CACNA2D1: variants seen among roughly 807,000 people sequenced by gnomAD.
The protein encoded by CACNA2D1 is calcium voltage-gated channel auxiliary subunit alpha2delta 1, also known as voltage-dependent calcium channel subunit alpha-2/delta-1.
Under a neutral mutation model 171.5 loss-of-function variants are expected in CACNA2D1, and 53 were observed. That is an observed-to-expected ratio of 0.31 (90% confidence interval 0.25 to 0.39). The LOEUF is 0.39. Among genes scored for constraint, CACNA2D1 ranks in the 10% least tolerant of loss-of-function variants. CACNA2D1 has a pLI of 1.00. For synonymous variants in CACNA2D1, 442 were observed against 443.1 expected, an observed-to-expected ratio of 1.00 and a Z score of 0.03; for missense variants, 903 against 1,299.8, an observed-to-expected ratio of 0.69 and a Z score of 4.69.
At chr7:81,959,881 T>C in intron 36 of CACNA2D1, 52 bp from the exon 37 acceptor site, 1 of 1,576,848 alleles carries the variant, frequency 6.3e-7, no homozygotes, top group Non-Finnish European at 8.6e-7. Flanking sequence ...CCAAAATAAA[T>C]GGAAATCTTT....
At chr7:82,219,152 T>C (rs1026946802) in intron 3 of CACNA2D1, among the ~76,000 whole-genome samples, 1 of 152,144 alleles carries the variant, frequency 6.6e-6, no homozygotes, top group Non-Finnish European at 1.5e-5. Context: ...TTGTCTAAAA[T>C]GCATTAAAAG....
intron 1 of CACNA2D1, among the ~76,000 whole-genome samples, chr7:82,355,693 A>G (rs1345723911): frequency 1.3e-5 from 2 of 151,850 alleles, no homozygotes; most frequent in Admixed American, 1.3e-4. Flanking sequence ...CTTCTTTTAT[A>G]TTATTATCAT....
intron 12 of CACNA2D1, chr7:82,027,759 A>C (rs1236971683): frequency 2.0e-5 from 3 of 151,718 alleles, no homozygotes; most frequent in Non-Finnish European, 4.4e-5. Context: ...AATTCTTAGA[A>C]TAGTTTAATC....
chr7:82,193,781 A>G (rs971506560), intron 3 of CACNA2D1, among the ~76,000 whole-genome samples: 2 of 152,000 alleles, frequency 1.3e-5, no homozygotes, highest in African/African-American at 4.8e-5. Flanking sequence ...TACATACTTG[A>G]TATGTTTTGT....
At chr7:82,179,549 GC>G (rs1225698098) in intron 3 of CACNA2D1, among the ~76,000 whole-genome samples, 1 of 152,008 alleles carries the variant, frequency 6.6e-6, no homozygotes, top group African/African-American at 2.4e-5. Context: ...CAACCAAATT[GC>G]CTACAAATAA....
At position 82,391,468 on chromosome 7, in the gene CACNA2D1, A is replaced by G. The variant is rs1226782994; in HGVS notation, c.96-41819T>C. Reference sequence around the variant, plus strand: ...ACCAGATTAAGCTGCTTAAATTCAGATCAGTGAATTTTAATTATTCATGTT... The same window carrying G: ...ACCAGATTAAGCTGCTTAAATTCAGGTCAGTGAATTTTAATTATTCATGTT... On this transcript the variant is annotated intron_variant, in intron 1 of 38. Transcript: ENST00000356860. Among the ~76,000 whole-genome samples, 2 of 152,334 alleles carry G rather than the reference A, an allele frequency of 1.3e-5. 1 individual carries two copies.
intron 3 of CACNA2D1, among the ~76,000 whole-genome samples, chr7:82,184,497 CTCT>C (rs1797468093): frequency 1.3e-5 from 2 of 151,744 alleles, no homozygotes; most frequent in South Asian, 4.1e-4. Context: ...ATTATTATTT[CTCT>C]TCTTCTTAAG....
intron 12 of CACNA2D1, among the ~76,000 whole-genome samples, chr7:82,026,044 T>A (rs1801857602): frequency 6.6e-6 from 1 of 150,864 alleles, no homozygotes; most frequent in African/African-American, 2.4e-5. Flanking sequence ...TTGTCTCGTG[T>A]CAGTTTTTTT....
intron 1 of CACNA2D1, among the ~76,000 whole-genome samples, chr7:82,373,387 A>G (rs182514503): frequency 4.6e-5 from 7 of 152,272 alleles, no homozygotes; most frequent in Admixed American, 4.6e-4. Flanking sequence ...AACACTCCAC[A>G]CACTTATAGA....
At chr7:82,374,872 G>A (rs1049875948) in intron 1 of CACNA2D1, among the ~76,000 whole-genome samples, 11 of 151,644 alleles carry the variant, frequency 7.3e-5, no homozygotes, top group South Asian at 2.1e-4. Flanking sequence ...TGCTGACTAC[G>A]TGGCTCAGTT....
At chr7:82,290,120 T>C (rs1346992975) in intron 3 of CACNA2D1, among the ~76,000 whole-genome samples, 1 of 152,128 alleles carries the variant, frequency 6.6e-6, no homozygotes, top group Non-Finnish European at 1.5e-5. Context: ...GCCATTACTT[T>C]TAATAGCAAA....
chr7:82,369,686 A>T (rs548211282), intron 1 of CACNA2D1, among the ~76,000 whole-genome samples: 10 of 152,194 alleles, frequency 6.6e-5, no homozygotes, highest in African/African-American at 2.4e-4. Flanking sequence ...AAAATAGTAT[A>T]TCATGACCAA....
At chr7:82,199,375 T>C (rs563538684) in intron 3 of CACNA2D1, among the ~76,000 whole-genome samples, 1 of 152,124 alleles carries the variant, frequency 6.6e-6, no homozygotes, top group Non-Finnish European at 1.5e-5. Context: ...TTAACTATTA[T>C]AGTAATTCAA....
At chr7:82,407,642 A>G (rs1412250377) in intron 1 of CACNA2D1, among the ~76,000 whole-genome samples, 1 of 151,728 alleles carries the variant, frequency 6.6e-6, no homozygotes, top group Non-Finnish European at 1.5e-5. Context: ...TATTATTTTT[A>G]GACAATTTAG....
intron 1 of CACNA2D1, among the ~76,000 whole-genome samples, chr7:82,365,767 T>C (rs1340653782): frequency 6.6e-6 from 1 of 152,230 alleles, no homozygotes; most frequent in East Asian, 1.9e-4. Flanking sequence ...TATTAGGTAG[T>C]CATCTTTCAC....
chr7:82,314,218 T>C (rs1814815172), intron 3 of CACNA2D1, among the ~76,000 whole-genome samples: 1 of 152,224 alleles, frequency 6.6e-6, no homozygotes, highest in Non-Finnish European at 1.5e-5. Flanking sequence ...GTATTTGCTA[T>C]ACTGGCCATC....
intron 3 of CACNA2D1, among the ~76,000 whole-genome samples, chr7:82,275,162 A>G (rs1457252588): frequency 2.6e-5 from 4 of 152,050 alleles, no homozygotes; most frequent in African/African-American, 9.7e-5. Context: ...AAATCACAGC[A>G]TAAATTTATC....
intron 7 of CACNA2D1, among the ~76,000 whole-genome samples, chr7:82,073,741 CA>C (rs566482627): frequency 1.9e-4 from 29 of 152,098 alleles, no homozygotes; most frequent in Non-Finnish European, 4.0e-4. Flanking sequence ...GCTGGGATTA[CA>C]GGTGCCCACA....
In CACNA2D1 at chr7:82,149,198, C is replaced by T. The variant is rs1793505364; in HGVS notation, c.355-12522G>A. On this transcript the variant is annotated intron_variant, in intron 4 of 38. Coordinates refer to ENST00000356860, the MANE Select transcript of CACNA2D1 (RefSeq NM_000722.4). The stretch of plus-strand genomic sequence containing the variant: ...CCCATCACAGCTTAGATGTCATTAA[C>T]TACTAAACAAGCCAGCCTCCCTCAT... 1.3e-5 allele frequency among the ~76,000 whole-genome samples: 2 copies of T among 152,124 alleles called. 1 individual carries two copies. Among genetic ancestry groups the T allele is most frequent in the South Asian group, 4.1e-4 (2 of 4,822 alleles).
Sources: allele counts gnomAD v4.1 joint callset (sites outside exome capture counted in the v4.1 genomes callset), GRCh38; gene constraint gnomAD v4.1.1; transcripts MANE v1.5; gene names NCBI Gene and HGNC (gene_info 2026-07-23, HGNC 2026-07-21).